TBC1D24: variants seen among roughly 807,000 people sequenced by gnomAD.
TBC1D24 encodes TBC1 domain family member 24.
A neutral mutation model predicts 50.7 loss-of-function variants in TBC1D24; 47 were observed. The ratio of observed to expected loss-of-function variants is 0.93; its 90% CI spans 0.73 to 1.18. The LOEUF is 1.18. Among genes scored for constraint, TBC1D24 ranks in the 50% most tolerant of loss-of-function variants. The pLI is 0.00. For missense variants in TBC1D24, 688 were observed against 766.5 expected, an observed-to-expected ratio of 0.90 and a Z score of 1.21; for synonymous variants, 324 against 335.2, an observed-to-expected ratio of 0.97 and a Z score of 0.36.
rs2065658236 is a variant in TBC1D24 at position 2,487,284 on chromosome 16, C to A, written c.-115-8750C>A. ...GGTTGACAGCCTTCTCTCAAGCCGC[C>A]TCTCCCTGGCACAGAGGCGGCACCT... On this transcript the variant is annotated intron_variant, in intron 1 of 7. Transcript: ENST00000646147. The surrounding 1 kb of genome is among the most constrained non-coding windows in gnomAD (Gnocchi z 4.1). Among the ~76,000 whole-genome samples, 1 of 152,184 alleles carries A rather than the reference C, an allele frequency of 6.6e-6. No homozygotes were observed. Among genetic ancestry groups the A allele is most frequent in the South Asian group, 2.1e-4 (1 of 4,826 alleles).
chr16:2,477,581 A>G (rs765560551), intron 1 of TBC1D24: 2 of 152,270 alleles, frequency 1.3e-5, no homozygotes, highest in Non-Finnish European at 2.9e-5. Flanking sequence ...ACAAAACAAT[A>G]AAAATGCATT....
At position 2,475,525 on chromosome 16, in the gene TBC1D24, G is replaced by A. The variant is rs1567402210; in HGVS notation, c.-116+355G>A. ...TTGGGGCGCTTTCCGTCTCCGCAGGGTCGGAAATCCTCTTGGGGGCTCGGT... is the reference window on the plus strand; with the variant it reads ...TTGGGGCGCTTTCCGTCTCCGCAGGATCGGAAATCCTCTTGGGGGCTCGGT... On this transcript the variant is annotated intron_variant, in intron 1 of 7. Coordinates refer to ENST00000646147, the MANE Select transcript of TBC1D24 (RefSeq NM_001199107.2). This position sits in a 1 kb window ranked among gnomAD's most constrained non-coding sequence, Gnocchi z 4.2. Among the ~76,000 whole-genome samples the A allele has an allele frequency of 6.6e-6, 1 of 152,122 alleles. No homozygotes were observed. Among genetic ancestry groups the A allele is most frequent in the Non-Finnish European group, 1.5e-5 (1 of 67,990 alleles).
chr16:2,499,274 A>AG lies in TBC1D24; in HGVS notation c.1143-82dup, dbSNP rs1291877535. On this transcript the variant is annotated intron_variant, in intron 4 of 7. Coordinates refer to ENST00000646147, the MANE Select transcript of TBC1D24 (RefSeq NM_001199107.2). The surrounding 1 kb of genome is among the most constrained non-coding windows in gnomAD (Gnocchi z 4.0). ...GCACAGTTCCCAGGTCTTCGCCCCA[A>AG]GACAGCTGGGGCCAGCGGAGGCTGC... 1 of 1,314,706 alleles carries AG rather than the reference A, an allele frequency of 7.6e-7. No homozygotes were observed. The highest frequency in any genetic ancestry group is 1.5e-5 in the African/African-American group (1 of 68,822). 81.4% of individuals were successfully genotyped at this position (1,314,706 alleles called of 1,614,324 possible).
At position 2,496,291 on chromosome 16, in the gene TBC1D24, A is replaced by T. The variant is rs761844771; in HGVS notation, c.143A>T (p.His48Leu). ...LARQGYWAQS[H>L]ALRGKVYQRL... is the part of the protein sequence containing the mutation. ...CGCCAGGGCTACTGGGCCCAAAGCCACGCCCTGCGGGGAAAGGTGTACCAG... is the reference window on the plus strand; with the variant it reads ...CGCCAGGGCTACTGGGCCCAAAGCCTCGCCCTGCGGGGAAAGGTGTACCAG... Residue 48 changes from histidine (H) to leucine (L), a missense_variant, in exon 2 of 8, where the codon CAC (histidine) becomes CTC (leucine). Coordinates refer to ENST00000646147, the MANE Select transcript of TBC1D24 (RefSeq NM_001199107.2). 1.9e-6 allele frequency: 3 copies of T among 1,613,714 alleles called. No homozygotes were observed. The East Asian group carries it at 6.7e-5, about 36-fold the overall frequency.
intron 1 of TBC1D24, among the ~76,000 whole-genome samples, chr16:2,492,949 G>A (rs1223697297): frequency 2.6e-5 from 4 of 151,602 alleles, no homozygotes; most frequent in African/African-American, 7.3e-5. Context: ...AAAATTAGCC[G>A]GGCGTGGTGG....
chr16:2,479,672 G>A (rs1019120646), intron 1 of TBC1D24: 1 of 152,158 alleles, frequency 6.6e-6, no homozygotes, highest in Admixed American at 6.5e-5. Flanking sequence ...GGCTGGCTGA[G>A]CCTCTGGATA....
chr16:2,492,339 A>G (rs1005801244), intron 1 of TBC1D24, among the ~76,000 whole-genome samples: 6 of 151,970 alleles, frequency 3.9e-5, no homozygotes, highest in Non-Finnish European at 4.4e-5. Context: ...AGTAAACACA[A>G]CTTGGGATCT....
chr16:2,496,638 C>T lies in TBC1D24; in HGVS notation c.490C>T (p.Pro164Ser), dbSNP rs1257589902. The change falls in exon 2 of 8, where the codon CCC becomes TCC. Residue 164 changes from proline to serine, a missense_variant. Pro to Ser is a moderately conservative substitution (Grantham distance 74). Coordinates refer to ENST00000646147, the MANE Select transcript of TBC1D24 (RefSeq NM_001199107.2). ...KACRILACND[P>S]GRRLIDQSFL... is the part of the protein sequence containing the mutation. ...CTGCCGCATCCTGGCCTGCAATGAC[C>T]CCGGCAGGAGGCTGATCGACCAGAG... 1 of 1,612,330 alleles carries T rather than the reference C, an allele frequency of 6.2e-7. No homozygotes were observed. Among genetic ancestry groups the T allele is most frequent in the Admixed American group, 1.7e-5 (1 of 60,016 alleles).
At position 2,505,715 on chromosome 16, in the gene TBC1D24, T is replaced by C. The variant is rs1427649121; in HGVS notation, c.*4757T>C. The C allele has an allele frequency of 1.3e-5, 2 of 152,184 alleles. No homozygotes were observed. The highest frequency in any genetic ancestry group is 2.4e-5 in the African/African-American group (1 of 41,442). The allele number at this position is 152,184 out of a possible 1,614,324, so 9.4% of individuals were successfully genotyped here. A position where few individuals can be genotyped will look rare whatever the true frequency, so the allele number is the denominator to read the frequency against. On this transcript the variant is annotated 3_prime_UTR_variant, in exon 8 of 8. Coordinates refer to ENST00000646147, the MANE Select transcript of TBC1D24 (RefSeq NM_001199107.2). The stretch of plus-strand genomic sequence containing the variant: ...GTGTTAATTTGAGTCCTAAATAAAA[T>C]CGAGAACTGGTAAAAGAAGGTCACT...
Position 2,499,781 on chromosome 16 carries a change from C to A in TBC1D24, c.1207-54C>A. 6.7e-7 allele frequency: 1 copy of A among 1,494,782 alleles called. No individual in the cohort carries two copies. Among genetic ancestry groups the A allele is most frequent in the Non-Finnish European group, 9.3e-7 (1 of 1,070,998 alleles). 92.6% of individuals were successfully genotyped at this position (1,494,782 alleles called of 1,614,324 possible). On this transcript the variant is annotated intron_variant, in intron 5 of 7. Transcript: ENST00000646147. This position sits in a 1 kb window ranked among gnomAD's most constrained non-coding sequence, Gnocchi z 4.0. The stretch of plus-strand genomic sequence containing the variant: ...ACAGGCCCGTCAGTAGTCTGGAGCA[C>A]AGGGACGCTCCTGGGGGCCTGCGGG...
In TBC1D24 at chr16:2,500,927, C is replaced by T; in HGVS notation, c.1649C>T (p.Ala550Val). Residue 550 changes from alanine to valine, a missense_variant, in exon 8 of 8, where the codon GCC (alanine) becomes GTC (valine). By Grantham distance (64) the Ala-to-Val change is moderately conservative (BLOSUM62 0). Coordinates refer to ENST00000646147, the MANE Select transcript of TBC1D24 (RefSeq NM_001199107.2). The surrounding 1 kb of genome is among the most constrained non-coding windows in gnomAD (Gnocchi z 8.0). ...SENFLIAAVE[A>V]WGFQDPDTQ is the part of the protein sequence containing the mutation. ...AACTTCCTCATTGCTGCCGTGGAGGCCTGGGGCTTCCAGGACCCTGACACC... is the reference window on the plus strand; with the variant it reads ...AACTTCCTCATTGCTGCCGTGGAGGTCTGGGGCTTCCAGGACCCTGACACC... 3.1e-6 allele frequency: 5 copies of T among 1,612,418 alleles called. No homozygotes were observed. Among genetic ancestry groups the T allele is most frequent in the Non-Finnish European group, 4.2e-6 (5 of 1,179,942 alleles).
At position 2,500,581 on chromosome 16, in the gene TBC1D24, G is replaced by T; in HGVS notation, c.1525+91G>T. 7.1e-7 allele frequency: 1 copy of T among 1,409,656 alleles called. No individual in the cohort carries two copies. 87.3% of individuals were successfully genotyped at this position (1,409,656 alleles called of 1,614,324 possible). A position where few individuals can be genotyped will look rare whatever the true frequency, so the allele number is the denominator to read the frequency against. On this transcript the variant is annotated intron_variant, in intron 7 of 7. Transcript: ENST00000646147. The surrounding 1 kb of genome is among the most constrained non-coding windows in gnomAD (Gnocchi z 8.0). Reference sequence around the variant, plus strand: ...CCAGCCCTCCCTGACCGGGGTGGCAGAGAAGAGGCCCTGGGTGTCAGGGTG... The same window carrying T: ...CCAGCCCTCCCTGACCGGGGTGGCATAGAAGAGGCCCTGGGTGTCAGGGTG...
At chr16:2,492,029 G>T (rs2065699320) in intron 1 of TBC1D24, among the ~76,000 whole-genome samples, 1 of 151,264 alleles carries the variant, frequency 6.6e-6, no homozygotes. Flanking sequence ...TGGTAGAGAT[G>T]AGGTCTCATT....
chr16:2,505,606 T>C lies in TBC1D24; in HGVS notation c.*4648T>C, dbSNP rs1171328646. The C allele has an allele frequency of 1.3e-5, 2 of 152,208 alleles. No individual in the cohort carries two copies. Among genetic ancestry groups the C allele is most frequent in the African/African-American group, 4.8e-5 (2 of 41,446 alleles). 9.4% of individuals were successfully genotyped at this position (152,208 alleles called of 1,614,324 possible). A position where few individuals can be genotyped will look rare whatever the true frequency, so the allele number is the denominator to read the frequency against. On this transcript the variant is annotated 3_prime_UTR_variant, in exon 8 of 8. Transcript: ENST00000646147. ...CTCAATGAATGTAATAAAAAAAATG[T>C]GTAGTGAGCACAAATGTATGGATTT...
At chr16:2,481,899 C>A (rs1167070965) in intron 1 of TBC1D24, 1 of 152,258 alleles carries the variant, frequency 6.6e-6, no homozygotes, top group Admixed American at 6.5e-5. Flanking sequence ...ATGGTCATAC[C>A]CCTTCTGTAC....
In TBC1D24 at chr16:2,500,904, CT is replaced by C; in HGVS notation, c.1628del (p.Phe543SerfsTer25). 1 of 1,613,228 alleles carries C rather than the reference CT, an allele frequency of 6.2e-7. No homozygotes were observed. The highest frequency in any genetic ancestry group is 8.5e-7 in the Non-Finnish European group (1 of 1,179,972). On this transcript the variant is annotated frameshift_variant, in exon 8 of 8. Coordinates refer to ENST00000646147, the MANE Select transcript of TBC1D24 (RefSeq NM_001199107.2). LOFTEE classifies it high-confidence loss of function. This position sits in a 1 kb window ranked among gnomAD's most constrained non-coding sequence, Gnocchi z 8.0. ...FNNQPLCSEN[F>X]LIAAVEAWGF... ...ACAACCAGCCCCTCTGCTCCGAGAA[CT>C]TCCTCATTGCTGCCGTGGAGGCCTG...
rs1254920667 is a variant in TBC1D24 at position 2,503,765 on chromosome 16, G to C, written c.*2807G>C. The C allele has an allele frequency of 6.6e-6, 1 of 151,850 alleles. No individual in the cohort carries two copies. The highest frequency in any genetic ancestry group is 2.4e-5 in the African/African-American group (1 of 41,330). 9.4% of individuals were successfully genotyped at this position (151,850 alleles called of 1,614,324 possible). A position where few individuals can be genotyped will look rare whatever the true frequency, so the allele number is the denominator to read the frequency against. ...AGTAGAGGCAGGGTTTCACTGTGTTGGTCAGGCTGGTCTTGAACTCCTGAC... is the reference window on the plus strand; with the variant it reads ...AGTAGAGGCAGGGTTTCACTGTGTTCGTCAGGCTGGTCTTGAACTCCTGAC... On this transcript the variant is annotated 3_prime_UTR_variant, in exon 8 of 8. Coordinates refer to ENST00000646147, the MANE Select transcript of TBC1D24 (RefSeq NM_001199107.2).
Position 2,496,618 on chromosome 16 carries a change from G to T in TBC1D24, c.470G>T (p.Arg157Leu). Residue 157 changes from arginine (R) to leucine (L), a missense_variant, in exon 2 of 8, where the codon CGC becomes CTC. Arg to Leu is a moderately radical substitution (Grantham distance 102). Transcript: ENST00000646147. ...GCCGAGTGCTTCGAGAAGGCCTGCC[G>T]CATCCTGGCCTGCAATGACCCCGGC... ...DEAECFEKAC[R>L]ILACNDPGRR... is the part of the protein sequence containing the mutation. The T allele has an allele frequency of 1.9e-6, 3 of 1,611,236 alleles. No individual in the cohort carries two copies. Among genetic ancestry groups the T allele is most frequent in the Non-Finnish European group, 2.5e-6 (3 of 1,179,994 alleles).
chr16:2,505,450 A>T lies in TBC1D24; in HGVS notation c.*4492A>T, dbSNP rs997500221. Reference sequence around the variant, plus strand: ...AACATGAACTGGCAAAAACATTGGCATTTGGTCAAATGCTTATGAGCTAAG... The same window carrying T: ...AACATGAACTGGCAAAAACATTGGCTTTTGGTCAAATGCTTATGAGCTAAG... On this transcript the variant is annotated 3_prime_UTR_variant, in exon 8 of 8. Coordinates refer to ENST00000646147, the MANE Select transcript of TBC1D24 (RefSeq NM_001199107.2). 1.3e-5 allele frequency: 2 copies of T among 152,250 alleles called. No homozygotes were observed. The highest frequency in any genetic ancestry group is 1.3e-4 in the Admixed American group (2 of 15,280). The allele number at this position is 152,250 out of a possible 1,614,324, so 9.4% of individuals were successfully genotyped here.
Sources: allele counts gnomAD v4.1 joint callset (sites outside exome capture counted in the v4.1 genomes callset), GRCh38; gene constraint gnomAD v4.1.1; non-coding constraint Gnocchi (gnomAD v3.1); transcripts MANE v1.5; gene names NCBI Gene and HGNC (gene_info 2026-07-23, HGNC 2026-07-21).